LRP1B: variants seen among roughly 807,000 people sequenced by gnomAD.
LRP1B encodes the protein LDL receptor related protein 1B.
Under a neutral mutation model 556.6 loss-of-function variants are expected in LRP1B, and 217 were observed. That is an observed-to-expected ratio of 0.39 (90% CI 0.35 to 0.44). The LOEUF (loss-of-function observed/expected upper bound fraction) is 0.44, where lower values mean the gene tolerates loss of function less well. LRP1B is among the 20% of genes least tolerant of loss of function. The pLI is 1.00. For synonymous variants in LRP1B, 2,047 were observed against 1,865.8 expected (o/e 1.10, Z -2.50); for missense variants, 5,053 against 5,620.8 (o/e 0.90, Z 3.23).
Position 140,551,933 on chromosome 2 carries a change from A to G in LRP1B, c.7195-9962T>C, listed in dbSNP as rs559817872. Among the ~76,000 whole-genome samples the G allele has an allele frequency of 2.4e-4, 36 of 152,306 alleles. 1 individual carries two copies. Among genetic ancestry groups the G allele is most frequent in the African/African-American group, 8.4e-4 (35 of 41,582 alleles). ...ATGTGCAATACATAATTTAATCTAC[A>G]TAATAACCCCTGTGATAGATACTAT... On this transcript the variant is annotated intron_variant, in intron 43 of 90. Coordinates refer to ENST00000389484, the MANE Select transcript of LRP1B (RefSeq NM_018557.3).
At chr2:141,063,797 C>T (rs1699406184) in intron 7 of LRP1B, among the ~76,000 whole-genome samples, 1 of 151,906 alleles carries the variant, frequency 6.6e-6, no homozygotes, top group South Asian at 2.1e-4. Context: ...TCTCACAATG[C>T]CTCTTCTTTT....
At chr2:140,777,520 CT>C (rs1043275264) in intron 32 of LRP1B, among the ~76,000 whole-genome samples, 1 of 152,162 alleles carries the variant, frequency 6.6e-6, no homozygotes, top group African/African-American at 2.4e-5. Context: ...AGTGAAAAGA[CT>C]TCTACTCTCA....
Position 141,626,489 on chromosome 2 carries a change from C to G in LRP1B, c.206-145956G>C, listed in dbSNP as rs763384578. On this transcript the variant is annotated intron_variant, in intron 2 of 90. Coordinates refer to ENST00000389484, the MANE Select transcript of LRP1B (RefSeq NM_018557.3). ...ACTTCATTAAAATTAGAATCTGCTT[C>G]TCTGTGAAAGACAATGTCAAGAGAA... is the stretch of plus-strand genomic sequence containing the variant. Among the ~76,000 whole-genome samples the G allele has an allele frequency of 2.6e-5, 4 of 152,164 alleles. No individual in the cohort carries two copies. In the East Asian group the frequency reaches 7.7e-4, roughly 29 times the overall value.
intron 1 of LRP1B, among the ~76,000 whole-genome samples, chr2:142,046,393 A>G (rs1001096047): frequency 3.9e-5 from 6 of 151,956 alleles, no homozygotes; most frequent in Admixed American, 2.0e-4. Context: ...ACTATGGTAC[A>G]CCACCAGTAA....
At chr2:140,929,667 C>T (rs557986860) in intron 20 of LRP1B, among the ~76,000 whole-genome samples, 9 of 151,536 alleles carry the variant, frequency 5.9e-5, no homozygotes, top group African/African-American at 2.2e-4. Flanking sequence ...ATAAAATCTC[C>T]AAGAACCTTC....
Position 140,716,087 on chromosome 2 carries a change from G to A in LRP1B, c.5909C>T (p.Thr1970Ile), listed in dbSNP as rs781374533. 15 of 1,599,164 alleles carry A rather than the reference G, an allele frequency of 9.4e-6. No homozygotes were observed. Residue 1970 changes from threonine to isoleucine, a missense_variant, in exon 37 of 91, where the codon ACA (threonine) becomes ATA (isoleucine). Thr to Ile is a moderately conservative substitution (Grantham distance 89). Transcript: ENST00000389484. ...VDWIAGNIYW[T>I]DHGFNLIEVA... ...TTCAATTAAGTTGAAACCATGATCT[G>A]TCCAATATATGTTACCTAGGAGAAA... is the stretch of plus-strand genomic sequence containing the variant.
rs1680949953 is a variant in LRP1B at position 140,241,583 on chromosome 2, A to G, written c.13325-2051T>C. The stretch of plus-strand genomic sequence containing the variant: ...TTTTCCCTTCATAGATGGCAGTTGC[A>G]ATCCCATATATTACAGCATTTTGTG... On this transcript the variant is annotated intron_variant, in intron 87 of 90. Coordinates refer to ENST00000389484, the MANE Select transcript of LRP1B (RefSeq NM_018557.3). 2.7e-5 allele frequency among the ~76,000 whole-genome samples: 4 copies of G among 150,908 alleles called. No homozygotes were observed. In the South Asian group the frequency reaches 8.3e-4, roughly 31 times the overall value.
At chr2:140,282,352 T>C (rs1409116877) in intron 84 of LRP1B, among the ~76,000 whole-genome samples, 1 of 151,748 alleles carries the variant, frequency 6.6e-6, no homozygotes, top group Non-Finnish European at 1.5e-5. Flanking sequence ...TTTTTATAGA[T>C]AAATAAACTG....
At chr2:141,675,679 G>GTGTATATATATATA (rs1553446605) in intron 2 of LRP1B, among the ~76,000 whole-genome samples, 2 of 12,530 alleles carry the variant, frequency 1.6e-4, no homozygotes, top group African/African-American at 3.4e-4. Context: ...AATTTATTTG[G>GTGTATATATATATA]TATATATATA....
At chr2:140,734,307 T>C (rs1687875145) in intron 35 of LRP1B, among the ~76,000 whole-genome samples, 1 of 152,226 alleles carries the variant, frequency 6.6e-6, no homozygotes, top group Non-Finnish European at 1.5e-5. Flanking sequence ...AGGTAAAGCC[T>C]ACATCAATTT....
intron 3 of LRP1B, among the ~76,000 whole-genome samples, chr2:141,274,009 A>G (rs914465295): frequency 3.3e-5 from 5 of 152,218 alleles, no homozygotes; most frequent in Non-Finnish European, 7.3e-5. Context: ...AAACCACAAC[A>G]AAATACTACC....
At chr2:140,420,565 T>C (rs1002563864) in intron 66 of LRP1B, among the ~76,000 whole-genome samples, 10 of 152,242 alleles carry the variant, frequency 6.6e-5, no homozygotes, top group African/African-American at 2.4e-4. Context: ...TGAATGCTCA[T>C]AGCAGTTTGA....
At chr2:141,648,914 C>T (rs1235348859) in intron 2 of LRP1B, among the ~76,000 whole-genome samples, 2 of 152,220 alleles carry the variant, frequency 1.3e-5, no homozygotes, top group East Asian at 3.9e-4. Context: ...TCTTACTCTA[C>T]ACAATTCTGC....
intron 1 of LRP1B, among the ~76,000 whole-genome samples, chr2:141,851,918 G>T (rs974987211): frequency 7.3e-5 from 11 of 151,626 alleles, no homozygotes; most frequent in African/African-American, 2.7e-4. Context: ...CTTGAGTAGA[G>T]TTTTCAGAAT....
At chr2:140,641,612 T>C (rs1484597637) in intron 41 of LRP1B, among the ~76,000 whole-genome samples, 3 of 152,178 alleles carry the variant, frequency 2.0e-5, no homozygotes, top group Non-Finnish European at 4.4e-5. Flanking sequence ...AACGTTATGC[T>C]CTGTGAGGGA....
At chr2:141,300,131 C>T (rs942426069) in intron 3 of LRP1B, among the ~76,000 whole-genome samples, 1 of 152,114 alleles carries the variant, frequency 6.6e-6, no homozygotes, top group African/African-American at 2.4e-5. Context: ...ACACAATAAT[C>T]CAATTATGCT....
At chr2:141,327,345 C>T (rs1319499449) in intron 3 of LRP1B, among the ~76,000 whole-genome samples, 4 of 152,216 alleles carry the variant, frequency 2.6e-5, no homozygotes, top group African/African-American at 7.2e-5. Flanking sequence ...TTAGTGTAAT[C>T]GTGCCAATGG....
intron 43 of LRP1B, among the ~76,000 whole-genome samples, chr2:140,547,385 G>T (rs921291241): frequency 6.6e-6 from 1 of 151,948 alleles, no homozygotes; most frequent in African/African-American, 2.4e-5. Flanking sequence ...ATCTTGGGAG[G>T]GTATATGTGT....
intron 1 of LRP1B, among the ~76,000 whole-genome samples, chr2:141,938,343 T>C (rs1309118468): frequency 1.3e-5 from 2 of 152,114 alleles, no homozygotes; most frequent in African/African-American, 4.8e-5. Context: ...CCAACAGTTA[T>C]ATGAAAATGT....
Sources: gnomAD v4.1 joint callset for allele counts (sites outside exome capture counted in the v4.1 genomes callset) on GRCh38, gnomAD v4.1.1 for gene constraint, MANE v1.5 for transcripts, NCBI Gene and HGNC (gene_info 2026-07-23, HGNC 2026-07-21) for gene names.